MDGA2: variants seen among roughly 807,000 people sequenced by gnomAD.
MDGA2 encodes MAM domain-containing glycosylphosphatidylinositol anchor protein 2.
MDGA2 carries 40 observed loss-of-function variants against 117.8 expected under a neutral mutation model. The ratio of observed to expected loss-of-function variants is 0.34; its 90% confidence interval spans 0.26 to 0.44. The LOEUF is 0.44. Among genes scored for constraint, MDGA2 ranks in the 20% least tolerant of loss-of-function variants. The pLI, the probability that MDGA2 is intolerant of heterozygous loss-of-function variation, is 1.00. For missense variants in MDGA2, 1,123 were observed against 1,250.6 expected (o/e 0.90, Z 1.54); for synonymous variants, 452 against 439.0 (o/e 1.03, Z -0.37).
chr14:47,314,608 G>T (rs1472307240), intron 1 of MDGA2, among the ~76,000 whole-genome samples: 1 of 151,930 alleles, frequency 6.6e-6, no homozygotes, highest in Non-Finnish European at 1.5e-5. Context: ...AGTCCAGGAG[G>T]TCGAGGCAGC....
At chr14:47,001,912 C>T (rs184515489) in intron 8 of MDGA2, among the ~76,000 whole-genome samples, 26 of 152,108 alleles carry the variant, frequency 1.7e-4, no homozygotes, top group Middle Eastern at 3.4e-3. Flanking sequence ...AGAGGGAGAG[C>T]ACAGGCAAGA....
rs34614614 is a variant in MDGA2 at position 47,286,803 on chromosome 14, T to TTATATATATATATA, written c.420+14594_420+14607dup. ...AACCAGGACTATCTCAGGCATATCATTATATATATATATATATATATACAT... is the reference window on the plus strand; with the variant it reads ...AACCAGGACTATCTCAGGCATATCATTATATATATATATATATATATATATATATATATATACAT... On this transcript the variant is annotated intron_variant, in intron 2 of 16. Transcript: ENST00000399232. 8.8e-4 allele frequency among the ~76,000 whole-genome samples: 114 copies of TTATATATATATATA among 130,004 alleles called. 1 individual carries two copies. Among genetic ancestry groups the TTATATATATATATA allele is most frequent in the African/African-American group, 3.4e-3 (106 of 30,990 alleles). 85.3% of individuals were successfully genotyped at this position (130,004 alleles called of 152,430 possible).
chr14:47,534,747 C>T (rs1895173607), intron 1 of MDGA2, among the ~76,000 whole-genome samples: 1 of 152,124 alleles, frequency 6.6e-6, no homozygotes, highest in Non-Finnish European at 1.5e-5. Flanking sequence ...GCACTCTGAA[C>T]CAAGTCTGGT....
chr14:46,862,388 G>C (rs1231181007), intron 14 of MDGA2, among the ~76,000 whole-genome samples: 1 of 149,046 alleles, frequency 6.7e-6, no homozygotes, highest in Non-Finnish European at 1.5e-5. Flanking sequence ...GCAATAGCCT[G>C]ATTATTATTT....
intron 5 of MDGA2, among the ~76,000 whole-genome samples, chr14:47,131,098 A>G (rs17118101): frequency 0.11 from 17,331 of 151,926 alleles, 1,133 homozygotes; most frequent in Admixed American, 0.12. Context: ...TTATTAAAGT[A>G]ATTCTTTATG....
chr14:46,970,017 G>A (rs1385014408), intron 8 of MDGA2, among the ~76,000 whole-genome samples: 4 of 143,206 alleles, frequency 2.8e-5, no homozygotes, highest in Non-Finnish European at 6.0e-5. Context: ...TCTCTGCAAG[G>A]GCAACTACAG....
intron 1 of MDGA2, among the ~76,000 whole-genome samples, chr14:47,318,303 C>T (rs1889869961): frequency 1.3e-5 from 2 of 152,300 alleles, no homozygotes; most frequent in South Asian, 2.1e-4. Context: ...TATTCAAACT[C>T]GTTTCTCTCT....
At chr14:46,977,576 G>C (rs1886512665) in intron 8 of MDGA2, among the ~76,000 whole-genome samples, 1 of 151,840 alleles carries the variant, frequency 6.6e-6, no homozygotes. Context: ...TAGTTAAAAT[G>C]TTGCCGTTTG....
intron 1 of MDGA2, among the ~76,000 whole-genome samples, chr14:47,511,777 A>G (rs1894646028): frequency 6.6e-6 from 1 of 152,202 alleles, no homozygotes; most frequent in African/African-American, 2.4e-5. Flanking sequence ...AGAAATATCA[A>G]TGCAACTGGT....
intron 1 of MDGA2, among the ~76,000 whole-genome samples, chr14:47,538,450 A>C (rs74045139): frequency 1.3e-5 from 2 of 152,246 alleles, no homozygotes; most frequent in African/African-American, 4.8e-5. Flanking sequence ...TGGGTAAGTC[A>C]AAGTGTTTCA....
intron 8 of MDGA2, among the ~76,000 whole-genome samples, chr14:46,978,037 A>C (rs888166173): frequency 6.6e-6 from 1 of 151,916 alleles, no homozygotes; most frequent in Non-Finnish European, 1.5e-5. Context: ...TATATTGAAC[A>C]AGTATGTTTC....
chr14:47,334,872 T>C (rs1890394855), intron 1 of MDGA2, among the ~76,000 whole-genome samples: 1 of 152,058 alleles, frequency 6.6e-6, no homozygotes, highest in African/African-American at 2.4e-5. Flanking sequence ...TTACACTGAA[T>C]GGGCAATATC....
chr14:47,225,432 C>T (rs1433729148), intron 2 of MDGA2, among the ~76,000 whole-genome samples: 8 of 152,080 alleles, frequency 5.3e-5, no homozygotes, highest in African/African-American at 1.2e-4. Flanking sequence ...CAATGATAGA[C>T]TGGATTAAGA....
chr14:47,549,831 C>T (rs1895545975), intron 1 of MDGA2, among the ~76,000 whole-genome samples: 1 of 152,138 alleles, frequency 6.6e-6, no homozygotes, highest in South Asian at 2.1e-4. Flanking sequence ...AAGAAGGTGG[C>T]TGTCTATAAG....
At chr14:47,334,468 T>A (rs533854409) in intron 1 of MDGA2, among the ~76,000 whole-genome samples, 2 of 151,850 alleles carry the variant, frequency 1.3e-5, no homozygotes, top group African/African-American at 2.4e-5. Context: ...TCCGGAAGCA[T>A]CAGTTTTCTC....
At chr14:47,578,363 C>T (rs1006038091) in intron 1 of MDGA2, among the ~76,000 whole-genome samples, 1 of 151,976 alleles carries the variant, frequency 6.6e-6, no homozygotes, top group Non-Finnish European at 1.5e-5. Flanking sequence ...ACACATATAC[C>T]TATGTAACAA....
At chr14:47,291,545 G>C (rs1302382406) in intron 2 of MDGA2, among the ~76,000 whole-genome samples, 4 of 152,120 alleles carry the variant, frequency 2.6e-5, no homozygotes, top group African/African-American at 9.7e-5. Flanking sequence ...CCTACCAAAT[G>C]TCATAGTGTA....
At chr14:47,394,960 T>C (rs936933313) in intron 1 of MDGA2, among the ~76,000 whole-genome samples, 3 of 152,048 alleles carry the variant, frequency 2.0e-5, no homozygotes, top group African/African-American at 7.2e-5. Flanking sequence ...CAAGACAACT[T>C]GGTCAACATA....
At chr14:47,628,088 G>A (rs1369582678) in intron 1 of MDGA2, among the ~76,000 whole-genome samples, 6 of 152,110 alleles carry the variant, frequency 3.9e-5, no homozygotes, top group South Asian at 4.2e-4. Context: ...GAAAAGGAGC[G>A]AACCTGAACT....
Sources: gnomAD v4.1 joint callset for allele counts (sites outside exome capture counted in the v4.1 genomes callset) on GRCh38, gnomAD v4.1.1 for gene constraint, MANE v1.5 for transcripts, NCBI Gene and HGNC (gene_info 2026-07-23, HGNC 2026-07-21) for gene names.